TJP1: variants seen among roughly 807,000 people sequenced by gnomAD.
The protein encoded by TJP1 is tight junction protein ZO-1.
A neutral mutation model predicts 194.2 loss-of-function variants in TJP1; 43 were observed. The observed-to-expected ratio is 0.22, with a 90% confidence interval of 0.17 to 0.29. The LOEUF (loss-of-function observed/expected upper bound fraction) is 0.29. Ranked by LOEUF, TJP1 falls within the 10% of genes least tolerant of loss-of-function variation. The pLI is 1.00. For missense variants in TJP1, 1,971 were observed against 2,185.7 expected (o/e 0.90, Z 1.96); for synonymous variants, 801 against 779.0 (o/e 1.03, Z -0.47).
At chr15:29,760,954 A>C (rs565074658) in intron 8 of TJP1, among the ~76,000 whole-genome samples, 185 bp downstream of exon 8, 53 of 152,308 alleles carry the variant, frequency 3.5e-4, no homozygotes, top group African/African-American at 1.1e-3. Flanking sequence ...TATGTTTACT[A>C]TCTGGCCCTT....
intron 2 of TJP1, among the ~76,000 whole-genome samples, chr15:29,838,448 T>A (rs920445764): frequency 7.9e-5 from 12 of 152,022 alleles, no homozygotes; most frequent in African/African-American, 2.9e-4. Context: ...AAACAAGAAG[T>A]TGCAAAGAAA....
At chr15:29,949,417 T>TCCACCTTCACCACCACCTCCACCACCACC (rs2055463386) in intron 2 of TJP1, among the ~76,000 whole-genome samples, 2 of 58,534 alleles carry the variant, frequency 3.4e-5, no homozygotes, top group Admixed American at 1.9e-4. Context: ...CCACCACCTC[T>TCCACCTTCACCACCACCTCCACCACCACC]ACCTCCACAA....
intron 1 of TJP1, among the ~76,000 whole-genome samples, chr15:29,816,158 G>A (rs2049902974): frequency 6.6e-6 from 1 of 152,090 alleles, no homozygotes; most frequent in Admixed American, 6.6e-5. Context: ...CTCCCAAGTA[G>A]CTGGGATTTT....
At chr15:29,798,334 A>G in intron 2 of TJP1, among the ~76,000 whole-genome samples, 1 of 151,490 alleles carries the variant, frequency 6.6e-6, no homozygotes, top group South Asian at 2.1e-4. Flanking sequence ...TTTACCTGAA[A>G]TGCTTGGGAC....
At chr15:29,809,386 C>G (rs1189680512) in intron 1 of TJP1, among the ~76,000 whole-genome samples, 1 of 152,156 alleles carries the variant, frequency 6.6e-6, no homozygotes, top group Non-Finnish European at 1.5e-5. Flanking sequence ...AAAATTCATA[C>G]TGTTAAAATT....
At chr15:29,787,501 T>C (rs2047773799) in intron 2 of TJP1, among the ~76,000 whole-genome samples, 1 of 152,114 alleles carries the variant, frequency 6.6e-6, no homozygotes, top group South Asian at 2.1e-4. Context: ...AACTCCGCAT[T>C]CTTTAGCCAT....
chr15:29,710,924 G>A lies in TJP1; in HGVS notation c.4279C>T (p.Pro1427Ser), dbSNP rs777976075. 2 of 1,614,032 alleles carry A rather than the reference G, an allele frequency of 1.2e-6. No homozygotes were observed. The highest frequency in any genetic ancestry group is 1.7e-6 in the Non-Finnish European group (2 of 1,180,040). ...KRYEPIQATP[P>S]PPPLPSQYAQ... is the part of the protein sequence containing the mutation. ...TACTGCGAGGGCAATGGAGGAGGAG[G>A]GGGAGTGGCCTGGATGGGTTCATAG... The change falls in exon 24 of 28, where the codon CCT (proline) becomes TCT (serine). Residue 1427 changes from proline (P) to serine (S), a missense_variant. Coordinates refer to ENST00000614355, the MANE Select transcript of TJP1 (RefSeq NM_001330239.4).
At chr15:29,946,153 C>A (rs762980854) in intron 2 of TJP1, among the ~76,000 whole-genome samples, 3 of 152,300 alleles carry the variant, frequency 2.0e-5, no homozygotes, top group Admixed American at 6.5e-5. Context: ...AATCACAGGT[C>A]TCCACGAGTT....
chr15:29,921,870 G>A (rs2054374134), intron 2 of TJP1, among the ~76,000 whole-genome samples: 1 of 148,420 alleles, frequency 6.7e-6, no homozygotes, highest in African/African-American at 2.5e-5. Context: ...CCATGACGGA[G>A]TTTTGCTCTC....
At position 29,794,101 on chromosome 15, in the gene TJP1, T is replaced by C. The variant is rs1461796595; in HGVS notation, c.84+6545A>G. Among the ~76,000 whole-genome samples the C allele has an allele frequency of 4.6e-5, 7 of 152,334 alleles. No homozygotes were observed. The East Asian group carries it at 1.3e-3, about 29-fold the overall frequency. On this transcript the variant is annotated intron_variant, in intron 2 of 27. Transcript: ENST00000614355. ...AAGCCATCAGGTCCTGGGCTTTTCTTTGATGATTTTCTTTTTTTCTTTTCT... is the reference window on the plus strand; with the variant it reads ...AAGCCATCAGGTCCTGGGCTTTTCTCTGATGATTTTCTTTTTTTCTTTTCT...
Position 29,737,379 on chromosome 15 carries a change from T to A in TJP1, c.1292A>T (p.Asp431Val). The A allele has an allele frequency of 6.2e-7, 1 of 1,614,102 alleles. No homozygotes were observed. The highest frequency in any genetic ancestry group is 8.5e-7 in the Non-Finnish European group (1 of 1,180,018). The change falls in exon 11 of 28, where the codon GAT becomes GTT. Residue 431 changes from aspartate (D) to valine (V), a missense_variant. Around this residue, in one of 5 missense-constraint regions of TJP1, gnomAD observed 24 missense variants for 54.2 expected, o/e 0.44. Transcript: ENST00000614355. Reference protein sequence around the residue: ...SMKLVKFRKGDSVGLRLAGGN... With the variant: ...SMKLVKFRKGVSVGLRLAGGN... ...ACCAGCCAGCCGCAAACCCACACTA[T>A]CTCCTTTTCTGAATTTTACCAATTT...
chr15:29,768,390 A>G (rs1180278576), intron 4 of TJP1, among the ~76,000 whole-genome samples: 1 of 152,152 alleles, frequency 6.6e-6, no homozygotes, highest in African/African-American at 2.4e-5. Flanking sequence ...TCTCACTTCT[A>G]TTTAATTTCC....
chr15:29,931,419 C>T (rs936345926), intron 2 of TJP1, among the ~76,000 whole-genome samples: 2 of 152,098 alleles, frequency 1.3e-5, no homozygotes, highest in South Asian at 2.1e-4. Flanking sequence ...ACTAGTCACA[C>T]AACATAAAGT....
Position 29,894,578 on chromosome 15 carries a change from A to C in TJP1, c.306+61654T>G, listed in dbSNP as rs546421619. On this transcript the variant is annotated intron_variant, in intron 2 of 28. Transcript: ENST00000356107. ...AGGCTGGGTAGGCTCTGGGCAGCCA[A>C]ACCCCATGGCTTTGCTGAGCACAGC... 2.0e-5 allele frequency among the ~76,000 whole-genome samples: 3 copies of C among 152,320 alleles called. No homozygotes were observed. The East Asian group carries it at 5.8e-4, about 29-fold the overall frequency.
chr15:29,922,493 G>A (rs1809247310), intron 2 of TJP1, among the ~76,000 whole-genome samples: 1 of 152,138 alleles, frequency 6.6e-6, no homozygotes, highest in Admixed American at 6.5e-5. Context: ...AAAGGGCTAT[G>A]TTTTTAAGTT....
Position 29,722,495 on chromosome 15 carries a change from CTGCCTAGATTTCAGAGGATGTATGGAAA to C in TJP1, c.2413-1815_2413-1788del, listed in dbSNP as rs529399495. Among the ~76,000 whole-genome samples the C allele has an allele frequency of 9.2e-5, 14 of 151,824 alleles. No individual in the cohort carries two copies. The East Asian group carries it at 2.7e-3, about 29-fold the overall frequency. On this transcript the variant is annotated intron_variant, in intron 18 of 27. Transcript: ENST00000614355. ...GGAGACAGTTGAGGCTTGGGAGCCT[CTGCCTAGATTTCAGAGGATGTATGGAAA>C]TGCCTGGATGTCCAGGCAGAAGTCT...
chr15:29,968,166 CAAT>C, intron 1 of TJP1: 2 of 985,414 alleles, frequency 2.0e-6, no homozygotes, highest in Non-Finnish European at 2.4e-6. Flanking sequence ...CCTGACAATG[CAAT>C]AATAATTTCC....
At chr15:29,706,710 G>C (rs1566854519) in intron 25 of TJP1, among the ~76,000 whole-genome samples, 1 of 152,086 alleles carries the variant, frequency 6.6e-6, no homozygotes, top group African/African-American at 2.4e-5. Flanking sequence ...ACCCAGGCTA[G>C]AGTACAGCGG....
intron 2 of TJP1, among the ~76,000 whole-genome samples, chr15:29,918,349 CA>C (rs1449299165): frequency 5.3e-5 from 8 of 152,114 alleles, no homozygotes; most frequent in African/African-American, 1.9e-4. Context: ...TACATGTGAA[CA>C]GATAACTAAG....
Sources: gnomAD v4.1 joint callset for allele counts (sites outside exome capture counted in the v4.1 genomes callset) on GRCh38, gnomAD v4.1.1 for gene constraint, gnomAD v4.1.1 regional missense constraint, MANE v1.5 for transcripts, NCBI Gene and HGNC (gene_info 2026-07-23, HGNC 2026-07-21) for gene names.